Variants in ZNF253 observed in about 807,000 individuals in gnomAD.
The protein encoded by ZNF253 is DNA-binding protein.
A neutral mutation model predicts 11.9 loss-of-function variants in ZNF253; 8 were observed. That is an observed-to-expected ratio of 0.67 (90% CI 0.40 to 1.22). ZNF253 has a LOEUF of 1.22. Among genes scored for constraint, ZNF253 ranks in the 50% most tolerant of loss-of-function variants. The pLI is 0.01. For missense variants in ZNF253, 485 were observed against 586.9 expected (o/e 0.83, Z 1.79); for synonymous variants, 194 against 194.9 (o/e 1.00, Z 0.04).
intron 1 of ZNF253, among the ~76,000 whole-genome samples, chr19:19,867,458 T>G (rs953756030): frequency 6.6e-6 from 1 of 152,172 alleles, no homozygotes; most frequent in Non-Finnish European, 1.5e-5. Context: ...CCTCCCTGGC[T>G]CAAGCAATTC....
intron 1 of ZNF253, chr19:19,870,983 C>A (rs1408032290): frequency 6.6e-6 from 1 of 152,022 alleles, no homozygotes; most frequent in Non-Finnish European, 1.5e-5. Context: ...TTTAAAAGAT[C>A]TTTTTTACAT....
intron 3 of ZNF253, among the ~76,000 whole-genome samples, chr19:19,883,416 C>T (rs535056396): frequency 9.2e-5 from 14 of 151,742 alleles, no homozygotes; most frequent in South Asian, 2.1e-4. Context: ...GTTTGAGAGC[C>T]GCCTGGGGAA....
In ZNF253 at chr19:19,878,487, T is replaced by G; in HGVS notation, c.10T>G (p.Leu4Val). The change falls in exon 2 of 4, where the codon TTG (leucine) becomes GTG (valine). Residue 4 changes from leucine to valine, a missense_variant. Physicochemically the swap from Leu to Val is conservative, Grantham distance 32. Around this residue, in one of 3 missense-constraint regions of ZNF253, gnomAD observed 35 missense variants for 52.4 expected, o/e 0.67. Transcript: ENST00000589717. ...GTGTGTGTGTGTTTTCCAGGGACCATTGCAATTTAGAGATGTGGCCATAGA... is the reference window on the plus strand; with the variant it reads ...GTGTGTGTGTGTTTTCCAGGGACCAGTGCAATTTAGAGATGTGGCCATAGA... MGPLQFRDVAIEFS... is the reference protein window; with the variant it reads MGPVQFRDVAIEFS... 1 of 1,613,904 alleles carries G rather than the reference T, an allele frequency of 6.2e-7. No homozygotes were observed. Among genetic ancestry groups the G allele is most frequent in the Non-Finnish European group, 8.5e-7 (1 of 1,179,920 alleles).
intron 1 of ZNF253, among the ~76,000 whole-genome samples, chr19:19,877,958 C>CTCT (rs1357855786): frequency 6.6e-6 from 1 of 152,094 alleles, no homozygotes; most frequent in Non-Finnish European, 1.5e-5. Flanking sequence ...AAAACACAGG[C>CTCT]TCTTCCATTT....
At chr19:19,882,970 C>CAA (rs35838089) in intron 3 of ZNF253, among the ~76,000 whole-genome samples, 60 of 96,980 alleles carry the variant, frequency 6.2e-4, no homozygotes, top group Non-Finnish European at 9.5e-4. Flanking sequence ...GACTCCGTCT[C>CAA]AAAAAAAAAA....
intron 1 of ZNF253, among the ~76,000 whole-genome samples, chr19:19,867,096 T>C (rs943928783): frequency 6.6e-6 from 1 of 152,100 alleles, no homozygotes; most frequent in Non-Finnish European, 1.5e-5. Context: ...ATAACAACAC[T>C]TCAGGAGGTC....
chr19:19,887,890 C>A (rs2063212870), intron 3 of ZNF253, among the ~76,000 whole-genome samples: 1 of 151,008 alleles, frequency 6.6e-6, no homozygotes, highest in African/African-American at 2.4e-5. Context: ...GCATGCCCCA[C>A]CACGCCTGGC....
chr19:19,892,004 G>T lies in ZNF253; in HGVS notation c.757G>T (p.Glu253Ter), dbSNP rs769086980. Residue 253 changes from glutamate (E) to a stop codon, truncating the protein, a stop_gained, in exon 4 of 4, where the codon GAG (glutamate) becomes TAG (stop). Coordinates refer to ENST00000589717, the MANE Select transcript of ZNF253 (RefSeq NM_021047.3). LOFTEE classifies it low-confidence loss of function (END_TRUNC). ...TACACATAAGAAAATTCATACTGGA[G>T]AGAAACCCTACAAATGTGAAGAATG... ...LTTHKKIHTG[E>*]KPYKCEECGK... The T allele has an allele frequency of 6.2e-7, 1 of 1,613,798 alleles. No homozygotes were observed. The highest frequency in any genetic ancestry group is 1.7e-5 in the Admixed American group (1 of 60,004).
rs1213600519 is a variant in ZNF253 at position 19,869,686 on chromosome 19, TTAA to T, written c.3+3688_3+3690del. Among the ~76,000 whole-genome samples, 526 of 106,294 alleles carry T rather than the reference TTAA, an allele frequency of 4.9e-3. 23 individuals are homozygous for T. The highest frequency in any genetic ancestry group is 0.024 in the African/African-American group (463 of 19,352). 69.7% of individuals were successfully genotyped at this position (106,294 alleles called of 152,430 possible). On this transcript the variant is annotated intron_variant, in intron 1 of 3. Coordinates refer to ENST00000589717, the MANE Select transcript of ZNF253 (RefSeq NM_021047.3). Reference sequence around the variant, plus strand: ...TTTTTTTTTTTTTTTTTTTTTTTTTTTAAAAAACAGTCTTACTCTGTTGCCCAG... The same window carrying T: ...TTTTTTTTTTTTTTTTTTTTTTTTTTAAAACAGTCTTACTCTGTTGCCCAG...
intron 3 of ZNF253, among the ~76,000 whole-genome samples, chr19:19,888,523 G>A (rs1315229824): frequency 6.6e-6 from 1 of 151,354 alleles, no homozygotes; most frequent in South Asian, 2.1e-4. Flanking sequence ...GTATCTAGGG[G>A]ATTACATAAA....
Position 19,892,417 on chromosome 19 carries a change from T to C in ZNF253, c.1170T>C (p.His390=), listed in dbSNP as rs1389592384. Residue 390 remains histidine (H), a synonymous_variant, in exon 4 of 4, where the codon CAT becomes CAC. Transcript: ENST00000589717. ...STTLFSHEKI[H]TGEKPYKCDE... ...CCCTTTTTTCACATGAGAAAATTCA[T>C]ACTGGAGAGAAACCCTACAAATGTG... The C allele has an allele frequency of 6.2e-7, 1 of 1,613,940 alleles. No homozygotes were observed. Among genetic ancestry groups the C allele is most frequent in the South Asian group, 1.1e-5 (1 of 91,086 alleles).
chr19:19,873,689 T>A (rs1242719286), intron 1 of ZNF253, among the ~76,000 whole-genome samples: 2 of 152,088 alleles, frequency 1.3e-5, no homozygotes, highest in African/African-American at 4.8e-5. Flanking sequence ...TTACATCTCA[T>A]ATAACCATTA....
chr19:19,878,978 C>T (rs1221531229), intron 2 of ZNF253, among the ~76,000 whole-genome samples: 1 of 151,982 alleles, frequency 6.6e-6, no homozygotes, highest in Non-Finnish European at 1.5e-5. Flanking sequence ...ACTGTATGCC[C>T]ACAAATACTA....
At chr19:19,878,406 C>A (rs1456831016) in intron 1 of ZNF253, 75 bp from the exon 2 acceptor site, 19 of 1,609,026 alleles carry the variant, frequency 1.2e-5, no homozygotes, top group South Asian at 4.4e-5. Flanking sequence ...TCTTTACTCT[C>A]TAATTTCACC....
At chr19:19,867,095 C>CT (rs912502010) in intron 1 of ZNF253, among the ~76,000 whole-genome samples, 2 of 152,176 alleles carry the variant, frequency 1.3e-5, no homozygotes, top group African/African-American at 4.8e-5. Context: ...AATAACAACA[C>CT]TTCAGGAGGT....
rs898882276 is a variant in ZNF253, at chr19:19,894,081, A to G, written c.*1334A>G. On this transcript the variant is annotated 3_prime_UTR_variant, in exon 4 of 4. Transcript: ENST00000589717. ...ATGTAAATATCAGAGAATTTTCCAT[A>G]GAATAATTAAGGCACTGACACTTCA... 1.3e-4 allele frequency: 20 copies of G among 152,270 alleles called. No individual in the cohort carries two copies. The highest frequency in any genetic ancestry group is 1.2e-3 in the Admixed American group (18 of 15,290). 9.4% of individuals were successfully genotyped at this position (152,270 alleles called of 1,614,324 possible).
chr19:19,888,119 A>G (rs2063213840), intron 3 of ZNF253, among the ~76,000 whole-genome samples: 1 of 151,526 alleles, frequency 6.6e-6, no homozygotes, highest in Non-Finnish European at 1.5e-5. Context: ...GCTGGAGTGA[A>G]ATGGCACAAT....
At chr19:19,884,150 CAATCTT>C (rs1049010483) in intron 3 of ZNF253, among the ~76,000 whole-genome samples, 1 of 151,352 alleles carries the variant, frequency 6.6e-6, no homozygotes, top group African/African-American at 2.4e-5. Flanking sequence ...ATAATATTCT[CAATCTT>C]CATCTTAAAA....
intron 1 of ZNF253, among the ~76,000 whole-genome samples, chr19:19,867,574 G>T (rs2063116881): frequency 6.6e-6 from 1 of 152,072 alleles, no homozygotes; most frequent in Non-Finnish European, 1.5e-5. Context: ...TTGCAATGTT[G>T]CCCAGGTTGG....
Sources: allele counts gnomAD v4.1 joint callset (sites outside exome capture counted in the v4.1 genomes callset), GRCh38; gene constraint gnomAD v4.1.1; regional missense constraint gnomAD v4.1.1; transcripts MANE v1.5; gene names NCBI Gene and HGNC (gene_info 2026-07-23, HGNC 2026-07-21).